NAAA: variants seen among roughly 807,000 people sequenced by gnomAD.
The protein encoded by NAAA is N-acylethanolamine-hydrolyzing acid amidase.
In NAAA, 39 loss-of-function variants were observed where a neutral mutation model predicts 44.8. The ratio of observed to expected loss-of-function variants is 0.87; its 90% confidence interval spans 0.67 to 1.14. The LOEUF (loss-of-function observed/expected upper bound fraction) is 1.14. Among genes scored for constraint, NAAA ranks in the 50% most tolerant of loss-of-function variants. The probability of loss-of-function intolerance (pLI) is 0.00; values close to 1 mark genes in which losing one functional copy is unlikely to be tolerated. For missense variants in NAAA, 460 were observed against 467.8 expected (o/e 0.98, Z 0.15); for synonymous variants, 178 against 191.3 (o/e 0.93, Z 0.58).
intron 3 of NAAA, among the ~76,000 whole-genome samples, chr4:75,934,402 G>A (rs941367373): frequency 2.0e-4 from 30 of 151,474 alleles, no homozygotes; most frequent in Non-Finnish European, 3.5e-4. Flanking sequence ...TGCAACCTCC[G>A]CCTCCCAGGT....
intron 5 of NAAA, among the ~76,000 whole-genome samples, chr4:75,925,397 C>A (rs1034470921): frequency 1.3e-5 from 2 of 152,192 alleles, no homozygotes; most frequent in Non-Finnish European, 2.9e-5. Context: ...ACCGATCCCG[C>A]CTTTCCACTT....
At chr4:75,919,780 T>C (rs1725972785) in intron 8 of NAAA, 129 bp downstream of exon 8, 1 of 948,056 alleles carries the variant, frequency 1.1e-6, no homozygotes, top group Non-Finnish European at 1.7e-6. Context: ...TTTTAATACA[T>C]GATTTCAACC....
intron 9 of NAAA, among the ~76,000 whole-genome samples, chr4:75,916,062 C>T (rs758573910): frequency 1.3e-5 from 2 of 152,174 alleles, no homozygotes; most frequent in Non-Finnish European, 2.9e-5. Flanking sequence ...ACCTTAATTG[C>T]TCGTTTACTT....
In NAAA at chr4:75,940,002, C is replaced by T. The variant is rs966626587; in HGVS notation, c.370G>A (p.Val124Met). ...TCCGCGCGGGCTTGGGGCACTCACA[C>T]GGAGGACTCGTAGGCCAGGTTGACC... The part of the protein sequence containing the change: ...LLVNLAYESS[V>M]FCTSIVAQDS... Residue 124 changes from valine (V) to methionine (M), a missense_variant and splice_region_variant, in exon 2 of 11, where the codon GTG becomes ATG. Val to Met is a conservative substitution (Grantham distance 21, BLOSUM62 1). Transcript: ENST00000286733. The T allele has an allele frequency of 4.3e-6, 7 of 1,613,620 alleles. No homozygotes were observed. Among genetic ancestry groups the T allele is most frequent in the Non-Finnish European group, 5.9e-6 (7 of 1,179,920 alleles).
downstream of NAAA, among the ~76,000 whole-genome samples, chr4:75,912,896 T>A (rs1386777305): frequency 4.6e-5 from 7 of 152,136 alleles, no homozygotes; most frequent in African/African-American, 7.2e-5. Context: ...ATGATGAAAA[T>A]TAAACGGTAT....
rs544732655 is a variant in NAAA, at chr4:75,920,678, T to C, written c.902+60A>G. 17 of 1,593,306 alleles carry C rather than the reference T, an allele frequency of 1.1e-5. No homozygotes were observed. The East Asian group carries it at 3.6e-4, about 34-fold the overall frequency. On this transcript the variant is annotated intron_variant, in intron 7 of 10. Coordinates refer to ENST00000286733, the MANE Select transcript of NAAA (RefSeq NM_014435.4). Reference sequence around the variant, plus strand: ...GGTCTTGCCAGTTCCTGTGACAGAATGGGCATATTCTCCTGACCATAAGAA... The same window carrying C: ...GGTCTTGCCAGTTCCTGTGACAGAACGGGCATATTCTCCTGACCATAAGAA...
rs1725897417 is a variant in NAAA at position 75,919,037 on chromosome 4, T to C, written c.970-248A>G. Among the ~76,000 whole-genome samples the C allele has an allele frequency of 3.5e-5, 4 of 115,538 alleles. No individual in the cohort carries two copies. In the Admixed American group the frequency reaches 3.5e-4, roughly 10 times the overall value. The allele number at this position is 115,538 out of a possible 152,430, so 75.8% of individuals were successfully genotyped here. A position where few individuals can be genotyped will look rare whatever the true frequency, so the allele number is the denominator to read the frequency against. ...GAACATAACCACTCTTTAGTGTACC[T>C]TGAGGTGATATAGACTTTTTTTTTG... On this transcript the variant is annotated intron_variant, in intron 8 of 10. Transcript: ENST00000286733.
At chr4:75,926,933 G>GT (rs1726758162) in intron 4 of NAAA, among the ~76,000 whole-genome samples, 1 of 151,882 alleles carries the variant, frequency 6.6e-6, no homozygotes, top group Admixed American at 6.6e-5. Flanking sequence ...GAGCGCTGTT[G>GT]GTCAAGGCTG....
At chr4:75,922,050 T>C (rs373999405) in intron 5 of NAAA, among the ~76,000 whole-genome samples, 45 of 152,248 alleles carry the variant, frequency 3.0e-4, no homozygotes, top group African/African-American at 1.1e-3. Flanking sequence ...TTAAAGGAAG[T>C]ACACTGTATG....
intron 5 of NAAA, among the ~76,000 whole-genome samples, chr4:75,923,875 G>A (rs530917020): frequency 3.9e-5 from 6 of 152,228 alleles, no homozygotes; most frequent in African/African-American, 1.2e-4. Context: ...GTACAGTAAA[G>A]AAGCAGGCAA....
In NAAA at chr4:75,920,934, C is replaced by T; in HGVS notation, c.839+17G>A. On this transcript the variant is annotated intron_variant, in intron 6 of 10. Coordinates refer to ENST00000286733, the MANE Select transcript of NAAA (RefSeq NM_014435.4). ...ATTATCTGATACAAAATGACCAGAG[C>T]TTTCAATTCTACTTACGCTCCATTC... is the stretch of plus-strand genomic sequence containing the variant. The T allele has an allele frequency of 1.2e-6, 2 of 1,613,724 alleles. No homozygotes were observed. Among genetic ancestry groups the T allele is most frequent in the Non-Finnish European group, 1.7e-6 (2 of 1,179,952 alleles).
At chr4:75,916,319 T>TAA (rs1386126720) in intron 9 of NAAA, 1 of 152,222 alleles carries the variant, frequency 6.6e-6, no homozygotes. Context: ...TCATTACATG[T>TAA]AAAGGGCCTG....
chr4:75,914,820 C>A, intron 10 of NAAA, 48 bp downstream of exon 10: 1 of 1,388,944 alleles, frequency 7.2e-7, no homozygotes, highest in South Asian at 1.2e-5. Flanking sequence ...TAAGAAATAC[C>A]AGCACACACC....
chr4:75,933,731 G>A (rs954373854), intron 3 of NAAA, among the ~76,000 whole-genome samples: 1 of 151,960 alleles, frequency 6.6e-6, no homozygotes, highest in Admixed American at 6.6e-5. Context: ...CCCTTAGCAG[G>A]GAATTTTAAG....
intron 3 of NAAA, among the ~76,000 whole-genome samples, chr4:75,932,119 C>T (rs1727282667): frequency 6.6e-6 from 1 of 152,156 alleles, no homozygotes; most frequent in Non-Finnish European, 1.5e-5. Flanking sequence ...ATCCCAGCTA[C>T]TAGGGAGGCT....
At chr4:75,940,380 C>T in intron 1 of NAAA, 1 of 588,526 alleles carries the variant, frequency 1.7e-6, no homozygotes, top group East Asian at 2.8e-5. Flanking sequence ...AAGAAAACTC[C>T]GAATGGGGAG....
intron 5 of NAAA, among the ~76,000 whole-genome samples, chr4:75,925,357 A>G (rs1726576213): frequency 6.6e-6 from 1 of 152,200 alleles, no homozygotes; most frequent in Admixed American, 6.5e-5. Flanking sequence ...TCTAAGTTCC[A>G]GTTCGCAAAC....
At chr4:75,933,717 C>T (rs1394828981) in intron 3 of NAAA, among the ~76,000 whole-genome samples, 4 of 152,176 alleles carry the variant, frequency 2.6e-5, no homozygotes, top group African/African-American at 9.6e-5. Flanking sequence ...TTAACATAAA[C>T]AAACCCTTAG....
intron 2 of NAAA, among the ~76,000 whole-genome samples, chr4:75,937,484 C>G (rs1018009338): frequency 2.1e-5 from 2 of 93,798 alleles, no homozygotes; most frequent in Non-Finnish European, 4.6e-5. Context: ...TCCAAGGTTT[C>G]TGTTATTTAT....
Sources: allele counts gnomAD v4.1 joint callset (sites outside exome capture counted in the v4.1 genomes callset), GRCh38; gene constraint gnomAD v4.1.1; transcripts MANE v1.5; gene names NCBI Gene and HGNC (gene_info 2026-07-23, HGNC 2026-07-21).